Variants in DMXL1 observed in about 807,000 individuals in gnomAD.
The protein encoded by DMXL1 is dmX-like protein 1.
In DMXL1, 99 loss-of-function variants were observed where a neutral mutation model predicts 319.2. The ratio of observed to expected loss-of-function variants is 0.31; its 90% CI spans 0.26 to 0.37. The LOEUF is 0.37. Ranked by LOEUF, DMXL1 falls within the 10% of genes least tolerant of loss-of-function variation. The probability of loss-of-function intolerance (pLI) is 1.00; values close to 1 mark genes in which losing one functional copy is unlikely to be tolerated. For missense variants in DMXL1, 3,745 were observed against 3,595.6 expected (o/e 1.04, Z -1.06); for synonymous variants, 1,385 against 1,235.2 (o/e 1.12, Z -2.54).
intron 38 of DMXL1, among the ~76,000 whole-genome samples, chr5:119,229,398 C>T (rs1319031299): frequency 1.3e-5 from 2 of 152,092 alleles, no homozygotes; most frequent in Non-Finnish European, 2.9e-5. Context: ...AAACTTTGCA[C>T]CAATGTACTT....
chr5:119,122,335 G>A (rs552171791), intron 9 of DMXL1, among the ~76,000 whole-genome samples: 3,780 of 141,572 alleles, frequency 0.027, 146 homozygotes, highest in African/African-American at 0.093. Context: ...CCTCCCTCCC[G>A]GAGGGGGCGG....
In DMXL1 at chr5:119,178,200, C is replaced by T. The variant is rs1206542434; in HGVS notation, c.7091C>T (p.Ala2364Val). 2 of 1,613,714 alleles carry T rather than the reference C, an allele frequency of 1.2e-6. No homozygotes were observed. The highest frequency in any genetic ancestry group is 1.3e-5 in the African/African-American group (1 of 74,910). The change falls in exon 28 of 44, where the codon GCA becomes GTA. Residue 2364 changes from alanine to valine, a missense_variant. Ala to Val is a moderately conservative substitution (Grantham distance 64). This residue lies in a region of DMXL1 where 1,382 missense variants were observed against 1,269.5 expected (regional missense o/e 1.09). Transcript: ENST00000539542. ...KMWSAVFGGG[A>V]HVPSKEQTHS... ...TGGTCTGCTGTGTTTGGTGGAGGTG[C>T]ACATGTTCCTAGCAAAGAACAGACA... is the stretch of plus-strand genomic sequence containing the variant.
chr5:119,167,881 A>C lies in DMXL1; in HGVS notation c.5398+17A>C. On this transcript the variant is annotated intron_variant, in intron 23 of 43. Coordinates refer to ENST00000539542, the MANE Select transcript of DMXL1 (RefSeq NM_001290321.3). The stretch of plus-strand genomic sequence containing the variant: ...AGAATGATGGTAAGCTGCACTTCTA[A>C]GATGTTAATGATTAAGAATATTATT... The C allele has an allele frequency of 1.9e-6, 3 of 1,604,588 alleles. No homozygotes were observed. Among genetic ancestry groups the C allele is most frequent in the Non-Finnish European group, 2.5e-6 (3 of 1,177,036 alleles).
chr5:119,225,751 C>T (rs557839341), intron 38 of DMXL1, among the ~76,000 whole-genome samples: 1 of 152,092 alleles, frequency 6.6e-6, no homozygotes, highest in East Asian at 1.9e-4. Context: ...GTTACTTATG[C>T]TAGAGGTATA....
intron 37 of DMXL1, among the ~76,000 whole-genome samples, chr5:119,222,775 T>C (rs1162875908): frequency 6.6e-6 from 1 of 152,150 alleles, no homozygotes; most frequent in African/African-American, 2.4e-5. Flanking sequence ...CTCCCTTTAT[T>C]CTACATCTGA....
At chr5:119,207,682 C>T (rs1781999715) in intron 34 of DMXL1, among the ~76,000 whole-genome samples, 1 of 152,082 alleles carries the variant, frequency 6.6e-6, no homozygotes, top group African/African-American at 2.4e-5. Context: ...CCACACCTGG[C>T]TAATTCTTTT....
chr5:119,100,395 C>G (rs1756981014), intron 2 of DMXL1, among the ~76,000 whole-genome samples: 1 of 150,976 alleles, frequency 6.6e-6, no homozygotes, highest in African/African-American at 2.4e-5. Flanking sequence ...GAGATCGTGC[C>G]ACTGCATTTC....
chr5:119,081,699 T>C, intron 1 of DMXL1: 1 of 985,378 alleles, frequency 1.0e-6, no homozygotes, highest in Non-Finnish European at 1.2e-6. Context: ...TAACCAGAGG[T>C]ACCCTTGCTT....
intron 17 of DMXL1, 122 bp from the exon 18 acceptor site, chr5:119,148,617 A>C: frequency 7.6e-6 from 7 of 924,228 alleles, no homozygotes; most frequent in South Asian, 1.7e-5. Context: ...TACAGCCAAG[A>C]TGCCCCTTTG....
intron 34 of DMXL1, among the ~76,000 whole-genome samples, chr5:119,212,817 A>G (rs544618303): frequency 2.0e-3 from 306 of 152,246 alleles, no homozygotes; most frequent in African/African-American, 7.0e-3. Context: ...TTCATAGCAC[A>G]TGCAAGTTCT....
At chr5:119,097,901 A>C in intron 1 of DMXL1, 78 bp from the exon 2 acceptor site, 3 of 1,238,162 alleles carry the variant, frequency 2.4e-6, no homozygotes, top group Non-Finnish European at 3.3e-6. Flanking sequence ...GCCTTAAAAC[A>C]TGATAGTTAA....
intron 19 of DMXL1, among the ~76,000 whole-genome samples, chr5:119,158,594 G>C (rs2150189548): frequency 6.6e-6 from 1 of 152,290 alleles, no homozygotes; most frequent in South Asian, 2.1e-4. Context: ...AATTGTCACT[G>C]TTGGGTATGA....
intron 9 of DMXL1, among the ~76,000 whole-genome samples, chr5:119,125,511 C>T (rs1198278445): frequency 6.6e-6 from 1 of 152,038 alleles, no homozygotes; most frequent in South Asian, 2.1e-4. Flanking sequence ...GAGATTCTAG[C>T]TAAGGAGGGC....
chr5:119,181,213 C>T lies in DMXL1; in HGVS notation c.7135+2969C>T, dbSNP rs577267980. 5.9e-5 allele frequency among the ~76,000 whole-genome samples: 9 copies of T among 152,230 alleles called. No homozygotes were observed. In the Middle Eastern group the frequency reaches 0.01, roughly 173 times the overall value. ...AAGCTGTATCCTACCACTTATTTAA[C>T]CCCAAGTAAAAAATAAAGTGACCTA... On this transcript the variant is annotated intron_variant, in intron 28 of 43. Transcript: ENST00000539542.
intron 11 of DMXL1, 23 bp from the exon 12 acceptor site, chr5:119,133,471 A>C: frequency 1.3e-6 from 2 of 1,590,616 alleles, no homozygotes; most frequent in Non-Finnish European, 1.7e-6. Context: ...TATATGTTCT[A>C]ACACTTGCTT....
At chr5:119,116,631 C>T (rs1760904247) in intron 7 of DMXL1, among the ~76,000 whole-genome samples, 1 of 152,082 alleles carries the variant, frequency 6.6e-6, no homozygotes, top group Non-Finnish European at 1.5e-5. Context: ...GTGTCTAATT[C>T]TGTCATCTAT....
intron 1 of DMXL1, among the ~76,000 whole-genome samples, chr5:119,077,332 C>G (rs544039636): frequency 1.3e-5 from 2 of 152,230 alleles, no homozygotes; most frequent in South Asian, 4.1e-4. Flanking sequence ...TAAGCCAGTG[C>G]TGCTATTATT....
At chr5:119,165,373 A>G in intron 21 of DMXL1, 93 bp downstream of exon 21, 2 of 648,902 alleles carry the variant, frequency 3.1e-6, no homozygotes, top group South Asian at 2.2e-5. Context: ...GTTCTTGTTG[A>G]TGTTGATTCA....
At chr5:119,084,759 GGAGGC>G (rs1247003741) in intron 1 of DMXL1, among the ~76,000 whole-genome samples, 1 of 151,884 alleles carries the variant, frequency 6.6e-6, no homozygotes, top group Non-Finnish European at 1.5e-5. Flanking sequence ...CGGCTACTCG[GGAGGC>G]GAGGCAGGAG....
Sources: allele counts gnomAD v4.1 joint callset (sites outside exome capture counted in the v4.1 genomes callset), GRCh38; gene constraint gnomAD v4.1.1; regional missense constraint gnomAD v4.1.1; transcripts MANE v1.5; gene names NCBI Gene and HGNC (gene_info 2026-07-23, HGNC 2026-07-21).